The following ARMC3 variants were observed in gnomAD, a reference collection of about 807,000 sequenced individuals.
ARMC3 encodes armadillo repeat-containing protein 3.
A neutral mutation model predicts 90.3 loss-of-function variants in ARMC3; 74 were observed. That is an observed-to-expected ratio of 0.82 (90% confidence interval 0.68 to 0.99). The LOEUF is 0.99. Among genes scored for constraint, ARMC3 ranks in the 50% least tolerant of loss-of-function variants. ARMC3 has a pLI of 0.00. For synonymous variants in ARMC3, 334 were observed against 361.8 expected, an observed-to-expected ratio of 0.92 and a Z score of 0.87; for missense variants, 958 against 1,042.8, an observed-to-expected ratio of 0.92 and a Z score of 1.12.
At chr10:22,931,463 G>A (rs903802857) in intron 1 of ARMC3, among the ~76,000 whole-genome samples, 1 of 152,144 alleles carries the variant, frequency 6.6e-6, no homozygotes, top group Non-Finnish European at 1.5e-5. Flanking sequence ...GTTGATTCAA[G>A]ACCTGGTAGA....
intron 7 of ARMC3, among the ~76,000 whole-genome samples, chr10:22,964,239 A>G (rs1015430995): frequency 6.6e-6 from 1 of 152,118 alleles, no homozygotes; most frequent in Non-Finnish European, 1.5e-5. Context: ...AAAATATAAA[A>G]CACTTTTTAA....
chr10:22,946,388 A>T (rs1391444858), intron 3 of ARMC3, 127 bp downstream of exon 3: 5 of 609,164 alleles, frequency 8.2e-6, no homozygotes, highest in Non-Finnish European at 1.4e-5. Flanking sequence ...GACAACCAGG[A>T]TATTATTTAA....
chr10:22,984,349 A>C (rs1162525200), intron 10 of ARMC3, among the ~76,000 whole-genome samples: 1 of 152,208 alleles, frequency 6.6e-6, no homozygotes, highest in African/African-American at 2.4e-5. Context: ...TTTATGTAAT[A>C]GGTTTTTGCT....
At chr10:22,983,535 C>T (rs1836282054) in intron 10 of ARMC3, among the ~76,000 whole-genome samples, 2 of 151,960 alleles carry the variant, frequency 1.3e-5, no homozygotes. Context: ...TATATACTGT[C>T]CATTCTGTTT....
intron 8 of ARMC3, among the ~76,000 whole-genome samples, chr10:22,969,363 T>C (rs1481869288): frequency 6.6e-6 from 1 of 152,248 alleles, no homozygotes; most frequent in Non-Finnish European, 1.5e-5. Context: ...ATTTTTCCCC[T>C]TCTGCACCAC....
chr10:22,983,782 A>G (rs978977818), intron 10 of ARMC3, among the ~76,000 whole-genome samples: 1 of 152,218 alleles, frequency 6.6e-6, no homozygotes, highest in Non-Finnish European at 1.5e-5. Context: ...TAAACCACAT[A>G]GTCCTTCTAG....
chr10:22,996,908 T>C (rs532374796), intron 10 of ARMC3, among the ~76,000 whole-genome samples: 1 of 150,160 alleles, frequency 6.7e-6, no homozygotes, highest in South Asian at 2.2e-4. Context: ...ATGGGCTGAA[T>C]CATATAGCTT....
chr10:23,021,778 G>A (rs1468155375), intron 16 of ARMC3, among the ~76,000 whole-genome samples: 1 of 152,080 alleles, frequency 6.6e-6, no homozygotes, highest in African/African-American at 2.4e-5. Context: ...TAGGTTGCCT[G>A]TTTACTCTGT....
chr10:22,994,382 A>G (rs973874233), intron 10 of ARMC3, among the ~76,000 whole-genome samples: 4 of 152,140 alleles, frequency 2.6e-5, no homozygotes, highest in African/African-American at 7.2e-5. Context: ...CGCTTGTGTA[A>G]GGCCTTGGAG....
intron 10 of ARMC3, among the ~76,000 whole-genome samples, chr10:22,985,427 A>G (rs1056042925): frequency 3.3e-5 from 5 of 151,772 alleles, no homozygotes; most frequent in African/African-American, 4.8e-5. Flanking sequence ...TCAGTTTTTC[A>G]TTTTCACTGC....
rs530261811 is a variant in ARMC3, at chr10:23,008,207, C to T, written c.1830-69C>T. Reference sequence around the variant, plus strand: ...ATGACTTTCAGAAAAAAATCTGTTTCGTGGAATAAAACCATCTGTTGACAA... The same window carrying T: ...ATGACTTTCAGAAAAAAATCTGTTTTGTGGAATAAAACCATCTGTTGACAA... On this transcript the variant is annotated intron_variant, in intron 14 of 18. Coordinates refer to ENST00000298032, the MANE Select transcript of ARMC3 (RefSeq NM_173081.5). 81 of 791,890 alleles carry T rather than the reference C, an allele frequency of 1.0e-4. 1 individual carries two copies. In the South Asian group the frequency reaches 1.3e-3, roughly 13 times the overall value. 49.1% of individuals were successfully genotyped at this position (791,890 alleles called of 1,614,324 possible).
At chr10:23,029,540 G>A (rs2131561631) in intron 16 of ARMC3, among the ~76,000 whole-genome samples, 1 of 152,274 alleles carries the variant, frequency 6.6e-6, no homozygotes, top group East Asian at 1.9e-4. Context: ...CTGGTTCAAA[G>A]AACCATTGAG....
intron 3 of ARMC3, chr10:22,955,160 G>A (rs1471803457): frequency 6.6e-6 from 1 of 152,226 alleles, no homozygotes; most frequent in African/African-American, 2.4e-5. Context: ...TCAGTTTAGA[G>A]ATTCAAATGC....
chr10:22,946,952 G>C (rs1834553734), intron 3 of ARMC3, among the ~76,000 whole-genome samples: 1 of 152,136 alleles, frequency 6.6e-6, no homozygotes, highest in African/African-American at 2.4e-5. Context: ...TTGAGCCCAG[G>C]AGTTTGAGAC....
chr10:22,951,077 A>G (rs573594819), intron 3 of ARMC3, among the ~76,000 whole-genome samples: 1 of 151,158 alleles, frequency 6.6e-6, no homozygotes, highest in South Asian at 2.1e-4. Flanking sequence ...AGCTGGGACT[A>G]CAGGCGCCCG....
chr10:22,977,316 G>A (rs1835972589), intron 8 of ARMC3, among the ~76,000 whole-genome samples: 1 of 152,170 alleles, frequency 6.6e-6, no homozygotes, highest in African/African-American at 2.4e-5. Context: ...TCTGCTACCA[G>A]TTTTCTCACA....
intron 13 of ARMC3, among the ~76,000 whole-genome samples, chr10:23,005,131 T>G (rs532399163): frequency 6.9e-6 from 1 of 143,964 alleles, no homozygotes. Flanking sequence ...GAGAATGGCG[T>G]GAACCCGGAA....
chr10:23,000,845 C>A (rs1837249792), intron 11 of ARMC3, among the ~76,000 whole-genome samples: 1 of 152,168 alleles, frequency 6.6e-6, no homozygotes, highest in African/African-American at 2.4e-5. Flanking sequence ...AGAATAAGAA[C>A]ATTCTTTTTA....
intron 7 of ARMC3, among the ~76,000 whole-genome samples, chr10:22,967,624 G>A (rs1835499425): frequency 6.6e-6 from 1 of 152,164 alleles, no homozygotes; most frequent in Non-Finnish European, 1.5e-5. Flanking sequence ...GCAAGGTATT[G>A]CCACCTAGTT....
Sources: allele counts gnomAD v4.1 joint callset (sites outside exome capture counted in the v4.1 genomes callset), GRCh38; gene constraint gnomAD v4.1.1; transcripts MANE v1.5; gene names NCBI Gene and HGNC (gene_info 2026-07-23, HGNC 2026-07-21).